The following PTPRQ variants were observed in gnomAD, a reference collection of about 807,000 sequenced individuals.
The protein encoded by PTPRQ is phosphatidylinositol phosphatase PTPRQ.
In PTPRQ, 199 loss-of-function variants were observed where a neutral mutation model predicts 246.0. The ratio of observed to expected loss-of-function variants is 0.81; its 90% CI spans 0.72 to 0.91. The LOEUF (loss-of-function observed/expected upper bound fraction) is 0.91. PTPRQ is among the 40% of genes least tolerant of loss of function. The pLI, the probability that PTPRQ is intolerant of heterozygous loss-of-function variation, is 0.00. For synonymous variants in PTPRQ, 869 were observed against 853.2 expected (o/e 1.02, Z -0.32); for missense variants, 2,624 against 2,528.4 (o/e 1.04, Z -0.81).
chr12:80,557,389 A>G (rs923513391), intron 25 of PTPRQ, among the ~76,000 whole-genome samples: 17 of 151,430 alleles, frequency 1.1e-4, no homozygotes, highest in African/African-American at 4.1e-4. Flanking sequence ...CACATGCTGC[A>G]TGGGGACAGA....
intron 24 of PTPRQ, among the ~76,000 whole-genome samples, chr12:80,548,301 G>T (rs927274490): frequency 6.6e-6 from 1 of 151,942 alleles, no homozygotes; most frequent in Non-Finnish European, 1.5e-5. Flanking sequence ...TCTGGATTTA[G>T]AAACTAAAGT....
At chr12:80,488,830 T>G (rs1318874350) in intron 9 of PTPRQ, among the ~76,000 whole-genome samples, 2 of 152,072 alleles carry the variant, frequency 1.3e-5, no homozygotes, top group East Asian at 3.9e-4. Flanking sequence ...TTAAACAAGC[T>G]GAAATATGTA....
chr12:80,610,617 T>C lies in PTPRQ; in HGVS notation c.4910T>C (p.Leu1637Ser), dbSNP rs1898514440. ...KSSAEMIVTT[L>S]ESAPKDPPNN... ...AGTGCTGAAATGATTGTTACTACTTTAGAATCAGGTAAGGAGAATTTCTCA... is the reference window on the plus strand; with the variant it reads ...AGTGCTGAAATGATTGTTACTACTTCAGAATCAGGTAAGGAGAATTTCTCA... The change falls in exon 28 of 45, where the codon TTA becomes TCA. Residue 1637 changes from leucine (L) to serine (S), a missense_variant. Coordinates refer to ENST00000644991, the MANE Select transcript of PTPRQ (RefSeq NM_001145026.2). 2 of 1,541,576 alleles carry C rather than the reference T, an allele frequency of 1.3e-6. No individual in the cohort carries two copies. Among genetic ancestry groups the C allele is most frequent in the Non-Finnish European group, 1.8e-6 (2 of 1,140,482 alleles).
intron 25 of PTPRQ, among the ~76,000 whole-genome samples, chr12:80,563,324 C>T (rs1013286346): frequency 6.6e-6 from 1 of 151,994 alleles, no homozygotes; most frequent in Non-Finnish European, 1.5e-5. Flanking sequence ...TGAGGCAGCA[C>T]TCTGCAGCCT....
intron 25 of PTPRQ, among the ~76,000 whole-genome samples, chr12:80,569,226 C>T (rs1175386991): frequency 1.5e-5 from 2 of 132,948 alleles, no homozygotes; most frequent in Non-Finnish European, 3.2e-5. Flanking sequence ...GTTTTTTGTT[C>T]TTGCGATAGT....
At chr12:80,600,372 C>T (rs1724954614) in intron 26 of PTPRQ, among the ~76,000 whole-genome samples, 3 of 151,610 alleles carry the variant, frequency 2.0e-5, no homozygotes, top group East Asian at 1.9e-4. Context: ...GAAAGCAAAG[C>T]GCTATATTTC....
Position 80,542,277 on chromosome 12 carries a change from T to G in PTPRQ, c.3634T>G (p.Phe1212Val). The change falls in exon 22 of 45, where the codon TTT (phenylalanine) becomes GTT (valine). Residue 1212 changes from phenylalanine (F) to valine (V), a missense_variant. Physicochemically the swap from Phe to Val is conservative, Grantham distance 50. Coordinates refer to ENST00000644991, the MANE Select transcript of PTPRQ (RefSeq NM_001145026.2). The stretch of plus-strand genomic sequence containing the variant: ...CATAATATTGGAAGAGCTTTCACCA[T>G]TTACATTATATAGCTTTTTTGCTGC... ...NYIILEELSP[F>V]TLYSFFAAAR... 2 of 1,550,552 alleles carry G rather than the reference T, an allele frequency of 1.3e-6. No homozygotes were observed. Among genetic ancestry groups the G allele is most frequent in the Middle Eastern group, 3.3e-4 (2 of 5,984 alleles).
chr12:80,596,244 C>G (rs34789299), intron 26 of PTPRQ, among the ~76,000 whole-genome samples: 1 of 151,842 alleles, frequency 6.6e-6, no homozygotes, highest in Admixed American at 6.6e-5. Flanking sequence ...ATTAAAGTAT[C>G]TAATAAAGTA....
intron 30 of PTPRQ, among the ~76,000 whole-genome samples, chr12:80,617,750 T>G (rs971684190): frequency 4.0e-5 from 6 of 151,458 alleles, no homozygotes; most frequent in Admixed American, 6.6e-5. Flanking sequence ...TCTCTACTAA[T>G]ACACATTATT....
At chr12:80,616,159 G>A (rs1898751723) in intron 29 of PTPRQ, 41 bp from the exon 30 acceptor site, 2 of 1,407,732 alleles carry the variant, frequency 1.4e-6, no homozygotes, top group South Asian at 1.6e-5. Context: ...ACATACATAA[G>A]CAATCACTTG....
intron 8 of PTPRQ, among the ~76,000 whole-genome samples, chr12:80,480,070 A>AT (rs931874388): frequency 5.3e-5 from 8 of 150,286 alleles, no homozygotes; most frequent in South Asian, 2.1e-4. Context: ...GAGAATATAC[A>AT]TTTTTTTCAG....
At chr12:80,621,778 GA>G (rs1899000857) in intron 32 of PTPRQ, among the ~76,000 whole-genome samples, 1 of 151,808 alleles carries the variant, frequency 6.6e-6, no homozygotes, top group African/African-American at 2.4e-5. Flanking sequence ...ATCCTTGAAG[GA>G]GGTGAGCTGA....
chr12:80,592,713 C>T (rs1449312672), intron 26 of PTPRQ, among the ~76,000 whole-genome samples: 1 of 151,984 alleles, frequency 6.6e-6, no homozygotes, highest in African/African-American at 2.4e-5. Flanking sequence ...GTATAATTCA[C>T]TTAAAAATGT....
chr12:80,575,852 A>C (rs1001380073), intron 25 of PTPRQ, among the ~76,000 whole-genome samples: 1 of 150,678 alleles, frequency 6.6e-6, no homozygotes, highest in Non-Finnish European at 1.5e-5. Context: ...AAAAAAAAAA[A>C]AAAAAGAAAA....
At chr12:80,632,377 G>C in intron 34 of PTPRQ, 86 bp downstream of exon 34, 3 of 1,494,968 alleles carry the variant, frequency 2.0e-6, no homozygotes, top group Non-Finnish European at 2.7e-6. Context: ...AGCCACAACA[G>C]TTACTTGAAT....
chr12:80,468,586 A>C (rs930079368), intron 6 of PTPRQ, 124 bp from the exon 7 acceptor site: 3 of 959,714 alleles, frequency 3.1e-6, no homozygotes, highest in African/African-American at 3.4e-5. Context: ...AGATAAAAAA[A>C]CTCTGCTTTT....
intron 3 of PTPRQ, among the ~76,000 whole-genome samples, chr12:80,454,983 C>T (rs1490411679): frequency 2.0e-5 from 3 of 152,104 alleles, no homozygotes; most frequent in Non-Finnish European, 4.4e-5. Flanking sequence ...ACCAGCCTGG[C>T]CAATATGGCG....
intron 39 of PTPRQ, among the ~76,000 whole-genome samples, chr12:80,667,508 T>G (rs1274456018): frequency 2.0e-5 from 3 of 151,980 alleles, no homozygotes; most frequent in Non-Finnish European, 4.4e-5. Flanking sequence ...GTAATTTGCA[T>G]ACATAATATA....
At chr12:80,569,913 C>A (rs1207285659) in intron 25 of PTPRQ, among the ~76,000 whole-genome samples, 2 of 152,164 alleles carry the variant, frequency 1.3e-5, no homozygotes, top group East Asian at 3.9e-4. Context: ...GACATGAACT[C>A]ATTCTTTTTT....
Sources: allele counts gnomAD v4.1 joint callset (sites outside exome capture counted in the v4.1 genomes callset), GRCh38; gene constraint gnomAD v4.1.1; transcripts MANE v1.5; gene names NCBI Gene and HGNC (gene_info 2026-07-23, HGNC 2026-07-21).